Variants in DNAAF11 observed in about 807,000 individuals in gnomAD.
DNAAF11 encodes the protein dynein axonemal assembly factor 11, also known as leucine rich repeat containing 6.
DNAAF11 carries 45 observed loss-of-function variants against 60.8 expected under a neutral mutation model. The ratio of observed to expected loss-of-function variants is 0.74; its 90% CI spans 0.58 to 0.95. The LOEUF is 0.95. DNAAF11 is among the 40% of genes least tolerant of loss of function. The probability of loss-of-function intolerance (pLI) is 0.00; values close to 1 mark genes in which losing one functional copy is unlikely to be tolerated. For missense variants in DNAAF11, 546 were observed against 546.2 expected (o/e 1.00, Z 0.00); for synonymous variants, 191 against 183.5 (o/e 1.04, Z -0.33).
intron 10 of DNAAF11, chr8:132,608,375 AT>A (rs1818323339): frequency 5.6e-6 from 2 of 355,088 alleles, no homozygotes; most frequent in Non-Finnish European, 1.1e-5. Context: ...TATATAAATT[AT>A]TTCATCTCCA....
At chr8:132,661,068 T>C (rs973214907) in intron 2 of DNAAF11, among the ~76,000 whole-genome samples, 4 of 152,204 alleles carry the variant, frequency 2.6e-5, no homozygotes, top group Admixed American at 6.5e-5. Context: ...AAACTAGCTA[T>C]TGAATTCTGC....
At chr8:132,612,384 C>T (rs1489952859) in intron 8 of DNAAF11, among the ~76,000 whole-genome samples, 4 of 152,118 alleles carry the variant, frequency 2.6e-5, no homozygotes, top group African/African-American at 9.7e-5. Context: ...CAGTATTTTC[C>T]ATGCTTGGGC....
chr8:132,665,551 A>C (rs1449653765), intron 1 of DNAAF11, among the ~76,000 whole-genome samples: 1 of 152,184 alleles, frequency 6.6e-6, no homozygotes, highest in Admixed American at 6.5e-5. Context: ...ATGAGATACC[A>C]TCTCATACCA....
intron 6 of DNAAF11, 36 bp from the exon 7 acceptor site, chr8:132,622,724 A>G (rs1319782488): frequency 7.2e-7 from 1 of 1,398,516 alleles, no homozygotes; most frequent in Non-Finnish European, 1.0e-6. Flanking sequence ...AATGGGCAGC[A>G]TGGAAAGAAA....
intron 7 of DNAAF11, among the ~76,000 whole-genome samples, chr8:132,620,810 C>T (rs954467220): frequency 6.6e-6 from 1 of 152,170 alleles, no homozygotes; most frequent in African/African-American, 2.4e-5. Flanking sequence ...TCTAGTGAGA[C>T]ACTCAAGGTT....
At chr8:132,653,790 G>A (rs1226321337) in intron 3 of DNAAF11, among the ~76,000 whole-genome samples, 2 of 151,866 alleles carry the variant, frequency 1.3e-5, no homozygotes, top group Non-Finnish European at 2.9e-5. Flanking sequence ...AAAAGAATAA[G>A]GGAATTAAAA....
chr8:132,627,687 C>T (rs1438009470), intron 5 of DNAAF11, among the ~76,000 whole-genome samples: 5 of 152,186 alleles, frequency 3.3e-5, no homozygotes, highest in African/African-American at 7.2e-5. Context: ...GACACCCTCT[C>T]GTTCTACTTT....
In DNAAF11 at chr8:132,571,694, G is replaced by T. The variant is rs544937589; in HGVS notation, c.*612C>A. On this transcript the variant is annotated 3_prime_UTR_variant, in exon 12 of 12. Coordinates refer to ENST00000620350, the MANE Select transcript of DNAAF11 (RefSeq NM_012472.6). Reference sequence around the variant, plus strand: ...GTTTATCTTGAGACAAACCTGTGAGGCAAGTGTTATTATTCCCAGATTATA... The same window carrying T: ...GTTTATCTTGAGACAAACCTGTGAGTCAAGTGTTATTATTCCCAGATTATA... Among the ~76,000 whole-genome samples the T allele has an allele frequency of 2.0e-5, 3 of 152,232 alleles. No individual in the cohort carries two copies. Among genetic ancestry groups the T allele is most frequent in the African/African-American group, 7.2e-5 (3 of 41,544 alleles).
chr8:132,649,616 C>T (rs892133903), intron 3 of DNAAF11, among the ~76,000 whole-genome samples: 1 of 152,118 alleles, frequency 6.6e-6, no homozygotes, highest in Non-Finnish European at 1.5e-5. Context: ...ACAATCTACC[C>T]ATCTGACAAA....
At chr8:132,601,673 CA>C (rs1817636063) in intron 10 of DNAAF11, among the ~76,000 whole-genome samples, 1 of 151,878 alleles carries the variant, frequency 6.6e-6, no homozygotes, top group Admixed American at 6.6e-5. Context: ...ATCACAAGGA[CA>C]AAAAACCAAA....
chr8:132,699,722 C>A, the DNAAF11 span, among the ~76,000 whole-genome samples: 1 of 151,840 alleles, frequency 6.6e-6, no homozygotes, highest in African/African-American at 2.4e-5. Context: ...AATGAATAAA[C>A]AAAATGTGTT....
rs1035489731 is a variant in DNAAF11 at position 132,583,709 on chromosome 8, T to G, written c.1211A>C (p.Glu404Ala). ...AGGGTGGTACCTTGTATTTGTTTGTTCTCTGCTCCTGTCCGAGGTAGTTTT... is the reference window on the plus strand; with the variant it reads ...AGGGTGGTACCTTGTATTTGTTTGTGCTCTGCTCCTGTCCGAGGTAGTTTT... ...SMKTTSDRSR[E>A]QTNTRSKHME... The change falls in exon 11 of 12, where the codon GAA becomes GCA. Residue 404 changes from glutamate (E) to alanine (A), a missense_variant. Transcript: ENST00000620350. 3.1e-6 allele frequency: 5 copies of G among 1,613,496 alleles called. No homozygotes were observed. Among genetic ancestry groups the G allele is most frequent in the Non-Finnish European group, 4.2e-6 (5 of 1,179,620 alleles).
the DNAAF11 span, among the ~76,000 whole-genome samples, chr8:132,693,592 G>A: frequency 6.6e-6 from 1 of 151,842 alleles, no homozygotes; most frequent in African/African-American, 2.4e-5. Flanking sequence ...ATTAATACAG[G>A]AAGATATAGC....
Position 132,632,819 on chromosome 8 carries a change from G to T in DNAAF11, c.574C>A (p.Gln192Lys). 1 of 1,613,842 alleles carries T rather than the reference G, an allele frequency of 6.2e-7. No individual in the cohort carries two copies. Among genetic ancestry groups the T allele is most frequent in the South Asian group, 1.1e-5 (1 of 91,062 alleles). The change falls in exon 5 of 12, where the codon CAA becomes AAA. Residue 192 changes from glutamine (Q) to lysine (K), a missense_variant. Physicochemically the swap from Gln to Lys is moderately conservative, Grantham distance 53. Transcript: ENST00000620350. ...KLKEEAQRKH[Q>K]EEDKNEDKRS... ...TTGTCTTCATTTTTATCCTCTTCTT[G>T]GTGTTTCCTCTGAGCCTCTTCCTTG...
At chr8:132,661,892 T>G (rs73356845) in intron 1 of DNAAF11, among the ~76,000 whole-genome samples, 2 of 152,130 alleles carry the variant, frequency 1.3e-5, no homozygotes, top group Non-Finnish European at 2.9e-5. Flanking sequence ...CATTTTGCTG[T>G]ATGGATGGAG....
Position 132,668,169 on chromosome 8 carries a change from T to A in DNAAF11, c.11-6542A>T, listed in dbSNP as rs567840106. Among the ~76,000 whole-genome samples the A allele has an allele frequency of 3.6e-3, 550 of 152,362 alleles. 3 individuals carry two copies. The highest frequency in any genetic ancestry group is 0.012 in the African/African-American group (518 of 41,586). ...CTCTTGCAGCATCTAAAATATTTTT[T>A]AATCATTTTCAATGGAAACTCTTAA... is the stretch of plus-strand genomic sequence containing the variant. On this transcript the variant is annotated intron_variant, in intron 1 of 11. Transcript: ENST00000620350.
At chr8:132,579,940 G>A (rs1371227312) in intron 11 of DNAAF11, among the ~76,000 whole-genome samples, 5 of 151,690 alleles carry the variant, frequency 3.3e-5, no homozygotes, top group Admixed American at 3.3e-4. Context: ...AAGTTGCAGT[G>A]AGCCAAGATC....
intron 3 of DNAAF11, among the ~76,000 whole-genome samples, chr8:132,642,319 A>C (rs977474397): frequency 6.6e-6 from 1 of 152,256 alleles, no homozygotes; most frequent in African/African-American, 2.4e-5. Context: ...CTTTATTTGA[A>C]GGTCAGATAG....
intron 9 of DNAAF11, among the ~76,000 whole-genome samples, chr8:132,610,886 GTTTA>G (rs371154949): frequency 6.6e-6 from 1 of 151,796 alleles, no homozygotes; most frequent in Admixed American, 6.6e-5. Context: ...TTTTATTTTT[GTTTA>G]TTTATTTATT....
Sources: gnomAD v4.1 joint callset for allele counts (sites outside exome capture counted in the v4.1 genomes callset) on GRCh38, gnomAD v4.1.1 for gene constraint, MANE v1.5 for transcripts, NCBI Gene and HGNC (gene_info 2026-07-23, HGNC 2026-07-21) for gene names.